RP1: variants seen among roughly 807,000 people sequenced by gnomAD.
RP1 encodes the protein oxygen-regulated protein 1.
A neutral mutation model predicts 14.8 loss-of-function variants in RP1; 16 were observed. The observed-to-expected ratio is 1.08, with a 90% CI of 0.73 to 1.65. RP1 has a LOEUF of 1.65. RP1 is among the 40% of genes most tolerant of loss of function. The probability of loss-of-function intolerance (pLI) is 0.00; values close to 1 mark genes in which losing one functional copy is unlikely to be tolerated. For synonymous variants in RP1, 876 were observed against 883.6 expected, an observed-to-expected ratio of 0.99 and a Z score of 0.15; for missense variants, 2,631 against 2,535.0, an observed-to-expected ratio of 1.04 and a Z score of -0.81.
rs1166648260 is a variant in RP1 at position 54,629,534 on chromosome 8, T to C, written c.5652T>C (p.Asp1884=). ...ACAAAGTCTACCCTGTCTCTGATGA[T>C]GCTATTAAAAACCAACCATTGCCTG... ...AGNKVYPVSD[D]AIKNQPLPGS... is the part of the protein sequence containing the mutation. Residue 1884 remains aspartate, a synonymous_variant, in exon 4 of 4, where the codon GAT becomes GAC. Coordinates refer to ENST00000220676, the MANE Select transcript of RP1 (RefSeq NM_006269.2). 6.2e-7 allele frequency: 1 copy of C among 1,614,092 alleles called. No individual in the cohort carries two copies. The highest frequency in any genetic ancestry group is 8.5e-7 in the Non-Finnish European group (1 of 1,179,992).
chr8:54,628,891 C>G lies in RP1; in HGVS notation c.5009C>G (p.Ala1670Gly). Residue 1670 changes from alanine to glycine, a missense_variant, in exon 4 of 4, where the codon GCA (alanine) becomes GGA (glycine). Coordinates refer to ENST00000220676, the MANE Select transcript of RP1 (RefSeq NM_006269.2). ...GTGGAATTTCAGTGTTCCAGGAAAG[C>G]AAGTCTTTATGATTCTGAAGGGCAG... ...NSVEFQCSRK[A>G]SLYDSEGQSF... 6.2e-7 allele frequency: 1 copy of G among 1,613,978 alleles called. No homozygotes were observed. Among genetic ancestry groups the G allele is most frequent in the Non-Finnish European group, 8.5e-7 (1 of 1,179,940 alleles).
intron 24 of RP1, among the ~76,000 whole-genome samples, chr8:54,813,435 C>T (rs568957421): frequency 6.6e-6 from 1 of 152,172 alleles, no homozygotes; most frequent in African/African-American, 2.4e-5. Flanking sequence ...AAATCCATGC[C>T]ATGGTAAAAG....
chr8:54,696,771 C>T (rs1807875036), intron 12 of RP1: 3 of 727,912 alleles, frequency 4.1e-6, no homozygotes, highest in Admixed American at 1.8e-5. Flanking sequence ...AAAGTCACCC[C>T]CCAGAACCTA....
chr8:54,865,085 A>G (rs1260173027), intron 27 of RP1, among the ~76,000 whole-genome samples: 1 of 152,096 alleles, frequency 6.6e-6, no homozygotes. Context: ...TTACTCCCAA[A>G]TTCTTAAATT....
At chr8:54,717,301 A>G (rs1808426478) in intron 15 of RP1, among the ~76,000 whole-genome samples, 1 of 152,214 alleles carries the variant, frequency 6.6e-6, no homozygotes, top group African/African-American at 2.4e-5. Flanking sequence ...TTTTTGCTCT[A>G]GGCTGGATTC....
intron 12 of RP1, among the ~76,000 whole-genome samples, chr8:54,682,982 G>A (rs1376754353): frequency 6.6e-6 from 1 of 152,146 alleles, no homozygotes; most frequent in Non-Finnish European, 1.5e-5. Flanking sequence ...TGTATAAGGT[G>A]TAAGGAAGGG....
intron 22 of RP1, among the ~76,000 whole-genome samples, chr8:54,765,373 G>A (rs1158494104): frequency 6.6e-6 from 1 of 152,216 alleles, no homozygotes; most frequent in African/African-American, 2.4e-5. Flanking sequence ...ATCATGAGCT[G>A]AGCCTTATAC....
chr8:54,608,042 C>A (rs541911236), intron 1 of RP1, among the ~76,000 whole-genome samples: 7 of 152,020 alleles, frequency 4.6e-5, no homozygotes, highest in Non-Finnish European at 1.0e-4. Context: ...ATGTGCTCCA[C>A]CCACTGTCCT....
At chr8:54,612,692 G>C (rs1167986683), upstream of RP1, among the ~76,000 whole-genome samples, 2 of 152,124 alleles carry the variant, frequency 1.3e-5, no homozygotes, top group Non-Finnish European at 2.9e-5. Context: ...TAAAGTTAAA[G>C]CCAAAGTATT....
intron 1 of RP1, among the ~76,000 whole-genome samples, chr8:54,620,008 C>T (rs1302530847): frequency 6.6e-6 from 1 of 152,196 alleles, no homozygotes; most frequent in African/African-American, 2.4e-5. Flanking sequence ...TCTTACTTTT[C>T]TCAGTGGATG....
chr8:54,587,426 A>G (rs1057117876), intron 1 of RP1, among the ~76,000 whole-genome samples: 8 of 76,890 alleles, frequency 1.0e-4, no homozygotes, highest in African/African-American at 8.0e-4. Context: ...ACCCTGTCTC[A>G]AAAAAAAAAA....
intron 15 of RP1, among the ~76,000 whole-genome samples, chr8:54,713,043 A>G (rs1363428671): frequency 2.6e-5 from 4 of 152,128 alleles, no homozygotes; most frequent in Admixed American, 2.6e-4. Context: ...TAAAAACCCA[A>G]CAGTGCCTCA....
intron 25 of RP1, among the ~76,000 whole-genome samples, chr8:54,847,789 G>A (rs1217938897): frequency 1.3e-5 from 2 of 152,214 alleles, no homozygotes; most frequent in Admixed American, 6.5e-5. Flanking sequence ...CCCAGCTCAG[G>A]CTCTGGGGCA....
intron 1 of RP1, among the ~76,000 whole-genome samples, chr8:54,563,983 G>A (rs1366043003): frequency 6.6e-6 from 1 of 152,200 alleles, no homozygotes; most frequent in African/African-American, 2.4e-5. Context: ...AGAAATGTGA[G>A]TAAACTCATC....
intron 12 of RP1, among the ~76,000 whole-genome samples, chr8:54,684,884 C>A (rs1386946797): frequency 6.6e-6 from 1 of 152,132 alleles, no homozygotes; most frequent in Non-Finnish European, 1.5e-5. Flanking sequence ...CAAACTAACA[C>A]AGGAACAGAA....
intron 22 of RP1, among the ~76,000 whole-genome samples, chr8:54,768,423 G>A (rs546410740): frequency 6.6e-5 from 10 of 152,160 alleles, no homozygotes; most frequent in African/African-American, 1.2e-4. Context: ...CTCAGGTCAC[G>A]TTTCTTCTCT....
chr8:54,831,862 C>T (rs960530793), intron 24 of RP1, among the ~76,000 whole-genome samples: 1 of 151,220 alleles, frequency 6.6e-6, no homozygotes, highest in African/African-American at 2.4e-5. Flanking sequence ...ATTTTCTTAG[C>T]TTTTTTTAAT....
intron 22 of RP1, among the ~76,000 whole-genome samples, chr8:54,769,337 C>T (rs1018384081): frequency 3.3e-5 from 5 of 152,162 alleles, no homozygotes; most frequent in Non-Finnish European, 7.4e-5. Flanking sequence ...AATGTGCAGG[C>T]CATATTTTCT....
At chr8:54,865,626 C>T (rs114533752) in intron 27 of RP1, among the ~76,000 whole-genome samples, 174 of 152,116 alleles carry the variant, frequency 1.1e-3, no homozygotes, top group African/African-American at 4.1e-3. Flanking sequence ...GGGTCCCTAT[C>T]TTCTCTTGTC....
Sources: allele counts gnomAD v4.1 joint callset (sites outside exome capture counted in the v4.1 genomes callset), GRCh38; gene constraint gnomAD v4.1.1; transcripts MANE v1.5; gene names NCBI Gene and HGNC (gene_info 2026-07-23, HGNC 2026-07-21).